RB1CC1: variants seen among roughly 807,000 people sequenced by gnomAD.
The protein encoded by RB1CC1 is RB1 inducible coiled-coil 1, also known as RB1-inducible coiled-coil protein 1.
In RB1CC1, 46 loss-of-function variants were observed where a neutral mutation model predicts 177.5. That is an observed-to-expected ratio of 0.26 (90% confidence interval 0.20 to 0.33). RB1CC1 has a LOEUF of 0.33. RB1CC1 is among the 10% of genes least tolerant of loss of function. RB1CC1 has a pLI of 1.00. For synonymous variants in RB1CC1, 666 were observed against 613.6 expected (o/e 1.09, Z -1.26); for missense variants, 1,703 against 1,816.3 (o/e 0.94, Z 1.13).
rs538439945 is a variant in RB1CC1, at chr8:52,661,903, A to G, written c.1174-184T>C. Among the ~76,000 whole-genome samples, 4 of 152,192 alleles carry G rather than the reference A, an allele frequency of 2.6e-5. 1 individual carries two copies. In the South Asian group the frequency reaches 8.3e-4, roughly 31 times the overall value. ...AATGGCACAAGACCTAGAATTTTTAAGAATCCTATGCTCATCTTTAATTTT... is the reference window on the plus strand; with the variant it reads ...AATGGCACAAGACCTAGAATTTTTAGGAATCCTATGCTCATCTTTAATTTT... On this transcript the variant is annotated intron_variant, in intron 8 of 23. Coordinates refer to ENST00000025008, the MANE Select transcript of RB1CC1 (RefSeq NM_014781.5).
intron 18 of RB1CC1, among the ~76,000 whole-genome samples, chr8:52,637,604 A>G (rs2150396645): frequency 6.6e-6 from 1 of 152,276 alleles, no homozygotes; most frequent in African/African-American, 2.4e-5. Context: ...TTTCTCAATA[A>G]AAGATCAGGC....
At chr8:52,705,827 T>C (rs1227155243) in intron 1 of RB1CC1, among the ~76,000 whole-genome samples, 4 of 152,042 alleles carry the variant, frequency 2.6e-5, no homozygotes, top group Non-Finnish European at 5.9e-5. Context: ...CCCAGCAAGA[T>C]CCTCTCTCCA....
rs34208925 is a variant in RB1CC1, at chr8:52,661,627, A to T, written c.1266T>A (p.Ile422=). The T allele has an allele frequency of 2.3e-5, 37 of 1,612,970 alleles. No homozygotes were observed. In the African/African-American group the frequency reaches 4.5e-4, roughly 20 times the overall value. Residue 422 remains isoleucine (I), a synonymous_variant, in exon 9 of 24, where the codon ATT becomes ATA. Coordinates refer to ENST00000025008, the MANE Select transcript of RB1CC1 (RefSeq NM_014781.5). ...LCLSHANQLM[I]MLQNHRKLLD... ...ACAGTTTTCTATGATTTTGCAACAT[A>T]ATCATCAACTGATTTGCGTGACTCA...
intron 8 of RB1CC1, among the ~76,000 whole-genome samples, chr8:52,667,412 G>C (rs992499145): frequency 6.6e-5 from 10 of 152,162 alleles, no homozygotes; most frequent in African/African-American, 9.7e-5. Flanking sequence ...GTCAGAATCT[G>C]ATTATGACAT....
intron 1 of RB1CC1, among the ~76,000 whole-genome samples, chr8:52,701,132 T>A (rs1437471009): frequency 6.6e-6 from 1 of 152,120 alleles, no homozygotes; most frequent in Non-Finnish European, 1.5e-5. Context: ...AGATCTTTTT[T>A]TTTTTTTGAG....
At chr8:52,706,361 CTT>C (rs71252955) in intron 1 of RB1CC1, among the ~76,000 whole-genome samples, 262 of 138,370 alleles carry the variant, frequency 1.9e-3, no homozygotes, top group Middle Eastern at 3.8e-3. Context: ...CAACTGTTAT[CTT>C]TTTTTTTTTT....
intron 12 of RB1CC1, 86 bp downstream of exon 12, chr8:52,660,501 ACAATTTCTG>A: frequency 3.3e-6 from 4 of 1,204,318 alleles, no homozygotes; most frequent in Non-Finnish European, 4.7e-6. Context: ...TTAAACCACA[ACAATTTCTG>A]CAAGTTTCTG....
chr8:52,637,706 G>A (rs942773224), intron 18 of RB1CC1, among the ~76,000 whole-genome samples: 9 of 147,826 alleles, frequency 6.1e-5, no homozygotes, highest in Middle Eastern at 3.4e-3. Context: ...TTGAGACAGA[G>A]TCTTGTTCTG....
intron 5 of RB1CC1, among the ~76,000 whole-genome samples, chr8:52,681,152 C>T (rs558243483): frequency 1.3e-5 from 2 of 151,482 alleles, no homozygotes; most frequent in East Asian, 1.9e-4. Flanking sequence ...CCAGCATGCC[C>T]GGCTAATTTT....
chr8:52,676,804 G>C (rs1163088104), intron 5 of RB1CC1, among the ~76,000 whole-genome samples: 1 of 152,180 alleles, frequency 6.6e-6, no homozygotes, highest in African/African-American at 2.4e-5. Context: ...GAATCCATAA[G>C]ACGCTACCTC....
chr8:52,660,685 A>C (rs752686441), intron 11 of RB1CC1, 28 bp from the exon 12 acceptor site: 1 of 1,557,558 alleles, frequency 6.4e-7, no homozygotes, highest in African/African-American at 1.4e-5. Context: ...CAATATGGTT[A>C]TTTTAGAGCT....
chr8:52,706,191 G>C (rs1856529920), intron 1 of RB1CC1, among the ~76,000 whole-genome samples: 1 of 151,154 alleles, frequency 6.6e-6, no homozygotes, highest in Non-Finnish European at 1.5e-5. Flanking sequence ...TAAAGAACCT[G>C]AATTTGTTGC....
At chr8:52,651,263 T>C (rs1465692602) in intron 15 of RB1CC1, among the ~76,000 whole-genome samples, 1 of 152,128 alleles carries the variant, frequency 6.6e-6, no homozygotes, top group East Asian at 1.9e-4. Flanking sequence ...ATAACCAACA[T>C]TAAATGAAAA....
Position 52,673,936 on chromosome 8 carries a change from A to G in RB1CC1, c.911T>C (p.Phe304Ser). 1.9e-6 allele frequency: 3 copies of G among 1,614,148 alleles called. No individual in the cohort carries two copies. Among genetic ancestry groups the G allele is most frequent in the Non-Finnish European group, 2.5e-6 (3 of 1,180,004 alleles). ...TATCCAGTCTAACAAAGAGACATTAAAAAAGGGCAGATCACCATCTTTAGT... is the reference window on the plus strand; with the variant it reads ...TATCCAGTCTAACAAAGAGACATTAGAAAAGGGCAGATCACCATCTTTAGT... Reference protein sequence around the residue: ...IDTKDGDLPFFNVSLLDWINV... With the variant: ...IDTKDGDLPFSNVSLLDWINV... Residue 304 changes from phenylalanine to serine, a missense_variant, in exon 7 of 24, where the codon TTT (phenylalanine) becomes TCT (serine). Coordinates refer to ENST00000025008, the MANE Select transcript of RB1CC1 (RefSeq NM_014781.5).
At chr8:52,708,098 C>A (rs904040981) in intron 1 of RB1CC1, among the ~76,000 whole-genome samples, 1 of 152,154 alleles carries the variant, frequency 6.6e-6, no homozygotes, top group African/African-American at 2.4e-5. Flanking sequence ...TAATTAACCC[C>A]AGTTTATTTT....
Position 52,676,401 on chromosome 8 carries a change from C to G in RB1CC1, c.540G>C (p.Gln180His), listed in dbSNP as rs754872687. The change falls in exon 6 of 24, where the codon CAG becomes CAC. Residue 180 changes from glutamine (Q) to histidine (H), a missense_variant. Gln to His is a conservative substitution (Grantham distance 24, BLOSUM62 0). Around this residue, in one of 6 missense-constraint regions of RB1CC1, gnomAD observed 315 missense variants for 304.9 expected, o/e 1.03. Transcript: ENST00000025008. ...KFESIYSNYLQSIEDIKLKLT... is the reference protein window; with the variant it reads ...KFESIYSNYLHSIEDIKLKLT... Reference sequence around the variant, plus strand: ...GTTTTAACTTGATGTCTTCTATGGACTGCAGATAATTTGAATAAATACTTT... The same window carrying G: ...GTTTTAACTTGATGTCTTCTATGGAGTGCAGATAATTTGAATAAATACTTT... 3 of 1,611,448 alleles carry G rather than the reference C, an allele frequency of 1.9e-6. No individual in the cohort carries two copies. The highest frequency in any genetic ancestry group is 2.5e-6 in the Non-Finnish European group (3 of 1,178,324).
chr8:52,659,429 C>T (rs1389717773), intron 12 of RB1CC1, among the ~76,000 whole-genome samples: 1 of 151,854 alleles, frequency 6.6e-6, no homozygotes, highest in Non-Finnish European at 1.5e-5. Flanking sequence ...ATTACATTTT[C>T]CAGAAGACAA....
chr8:52,714,085 C>T lies in RB1CC1; in HGVS notation c.-177G>A, dbSNP rs1203456042. 5.7e-6 allele frequency: 2 copies of T among 352,894 alleles called. No homozygotes were observed. Among genetic ancestry groups the T allele is most frequent in the East Asian group, 1.6e-4 (1 of 6,340 alleles). 21.9% of individuals were successfully genotyped at this position (352,894 alleles called of 1,614,324 possible). A position where few individuals can be genotyped will look rare whatever the true frequency, so the allele number is the denominator to read the frequency against. On this transcript the variant is annotated 5_prime_UTR_variant, in exon 1 of 24. Transcript: ENST00000025008. ...GGCGGCGACACTTACCCGGCAACGCCTCCTCCTTCGCCGGCGGCAGCAGCA... is the reference window on the plus strand; with the variant it reads ...GGCGGCGACACTTACCCGGCAACGCTTCCTCCTTCGCCGGCGGCAGCAGCA...
rs199596446 is a variant in RB1CC1 at position 52,641,978 on chromosome 8, T to A, written c.4337+373A>T. 2.1e-3 allele frequency among the ~76,000 whole-genome samples: 316 copies of A among 148,380 alleles called. 1 individual carries two copies. The highest frequency in any genetic ancestry group is 3.4e-3 in the Non-Finnish European group (227 of 66,474). On this transcript the variant is annotated intron_variant, in intron 18 of 23. Transcript: ENST00000025008. ...AATAAACAAATAATAATAATAATAA[T>A]AAAAAACCCTTCCCTGCTTTTCCTC...
Sources: allele counts gnomAD v4.1 joint callset (sites outside exome capture counted in the v4.1 genomes callset), GRCh38; gene constraint gnomAD v4.1.1; regional missense constraint gnomAD v4.1.1; transcripts MANE v1.5; gene names NCBI Gene and HGNC (gene_info 2026-07-23, HGNC 2026-07-21).